TENM3: variants seen among roughly 807,000 people sequenced by gnomAD.
The protein encoded by TENM3 is teneurin transmembrane protein 3.
A neutral mutation model predicts 255.1 loss-of-function variants in TENM3; 63 were observed. The ratio of observed to expected loss-of-function variants is 0.25; its 90% CI spans 0.20 to 0.30. The LOEUF is 0.30. Ranked by LOEUF, TENM3 falls within the 10% of genes least tolerant of loss-of-function variation. The pLI is 1.00. For synonymous variants in TENM3, 1,306 were observed against 1,322.3 expected (o/e 0.99, Z 0.27); for missense variants, 2,929 against 3,461.1 (o/e 0.85, Z 3.86).
chr4:181,767,239 G>A, the TENM3 span, among the ~76,000 whole-genome samples: 29 of 123,298 alleles, frequency 2.4e-4, no homozygotes, highest in East Asian at 5.6e-3. Flanking sequence ...GCGAGAGTGC[G>A]AGACTCCGTC....
chr4:182,567,758 T>TA lies in TENM3; in HGVS notation c.512-33162dup, dbSNP rs1743937869. Among the ~76,000 whole-genome samples the TA allele has an allele frequency of 1.3e-5, 2 of 148,960 alleles. 1 individual carries two copies. Among genetic ancestry groups the TA allele is most frequent in the South Asian group, 4.3e-4 (2 of 4,680 alleles). The stretch of plus-strand genomic sequence containing the variant: ...CACCCTACTCTATTTTTTTTTTATA[T>TA]AAAACAGTTACTGTGTATCAAGTTA... On this transcript the variant is annotated intron_variant, in intron 3 of 27. Coordinates refer to ENST00000511685, the MANE Select transcript of TENM3 (RefSeq NM_001080477.4).
chr4:182,102,876 G>A, the TENM3 span, among the ~76,000 whole-genome samples: 1 of 152,116 alleles, frequency 6.6e-6, no homozygotes, highest in African/African-American at 2.4e-5. Flanking sequence ...ACTGTACTTA[G>A]GAGTGCATCT....
At chr4:182,605,456 TTCTTA>T (rs1310442787) in intron 4 of TENM3, among the ~76,000 whole-genome samples, 1 of 147,938 alleles carries the variant, frequency 6.8e-6, no homozygotes, top group African/African-American at 2.5e-5. Context: ...TGGTAGGAAA[TTCTTA>T]AAGTTTCACC....
chr4:181,515,762 A>T, the TENM3 span, among the ~76,000 whole-genome samples: 1 of 152,120 alleles, frequency 6.6e-6, no homozygotes, highest in Non-Finnish European at 1.5e-5. Flanking sequence ...TTATTCCATG[A>T]TGAGACATTG....
At chr4:182,570,677 A>G (rs887837775) in intron 3 of TENM3, among the ~76,000 whole-genome samples, 4 of 152,144 alleles carry the variant, frequency 2.6e-5, no homozygotes, top group Non-Finnish European at 5.9e-5. Flanking sequence ...TACTAAAAAT[A>G]CAAAAAATTA....
At chr4:181,588,582 C>T in the TENM3 span, among the ~76,000 whole-genome samples, 1 of 152,128 alleles carries the variant, frequency 6.6e-6, no homozygotes, top group Non-Finnish European at 1.5e-5. Flanking sequence ...AGCCCTAGAG[C>T]CTTAACCAAA....
At chr4:182,380,913 A>T (rs974057696) in intron 3 of TENM3, among the ~76,000 whole-genome samples, 3 of 152,186 alleles carry the variant, frequency 2.0e-5, no homozygotes, top group African/African-American at 7.2e-5. Flanking sequence ...TCCTGACCTC[A>T]TATGAAACCT....
At chr4:182,041,380 T>C in the TENM3 span, among the ~76,000 whole-genome samples, 1 of 152,142 alleles carries the variant, frequency 6.6e-6, no homozygotes, top group East Asian at 1.9e-4. Context: ...TTTGTAATGA[T>C]AAATAGCCAT....
chr4:182,449,030 T>C, intron 3 of TENM3: 1 of 386,704 alleles, frequency 2.6e-6, no homozygotes, highest in Non-Finnish European at 5.2e-6. Flanking sequence ...CCAGGCAACT[T>C]GGCAGCGCTG....
intron 5 of TENM3, among the ~76,000 whole-genome samples, chr4:182,647,006 C>A (rs1432014033): frequency 6.6e-6 from 1 of 151,972 alleles, no homozygotes; most frequent in Non-Finnish European, 1.5e-5. Context: ...ACATTTATAC[C>A]CCAAACATTG....
At chr4:181,572,283 A>G in the TENM3 span, among the ~76,000 whole-genome samples, 2 of 152,196 alleles carry the variant, frequency 1.3e-5, no homozygotes, top group Non-Finnish European at 2.9e-5. Context: ...AGTCCTTCCT[A>G]CAGGGGCTCA....
At chr4:182,005,071 A>G in the TENM3 span, among the ~76,000 whole-genome samples, 1 of 152,176 alleles carries the variant, frequency 6.6e-6, no homozygotes, top group Non-Finnish European at 1.5e-5. Flanking sequence ...TCTTTAGTTT[A>G]ATTAAATCCC....
chr4:181,736,809 C>T, the TENM3 span, among the ~76,000 whole-genome samples: 110 of 152,100 alleles, frequency 7.2e-4, no homozygotes, highest in African/African-American at 2.4e-3. Context: ...ATAAAACAGC[C>T]CCTGCCATGT....
intron 3 of TENM3, among the ~76,000 whole-genome samples, chr4:182,461,265 G>C (rs911363040): frequency 6.6e-6 from 1 of 152,188 alleles, no homozygotes; most frequent in African/African-American, 2.4e-5. Flanking sequence ...GAAGATGCTT[G>C]AGTCTGATTG....
chr4:181,767,027 CG>C, the TENM3 span, among the ~76,000 whole-genome samples: 1 of 146,866 alleles, frequency 6.8e-6, no homozygotes, highest in Non-Finnish European at 1.5e-5. Context: ...CCGAGGCGGG[CG>C]GATCACGAGG....
the TENM3 span, among the ~76,000 whole-genome samples, chr4:181,814,909 TAAGA>T: frequency 2.0e-5 from 3 of 151,500 alleles, no homozygotes; most frequent in African/African-American, 7.3e-5. Context: ...AATACGAACC[TAAGA>T]GAGACTGGAT....
chr4:182,182,824 A>G (rs1752927814), intron 1 of TENM3, among the ~76,000 whole-genome samples: 1 of 152,232 alleles, frequency 6.6e-6, no homozygotes, highest in African/African-American at 2.4e-5. Flanking sequence ...ATTGTTAGTT[A>G]TTTTAAATAT....
the TENM3 span, among the ~76,000 whole-genome samples, chr4:181,617,447 A>G: frequency 6.6e-6 from 1 of 152,170 alleles, no homozygotes; most frequent in Non-Finnish European, 1.5e-5. Context: ...CAGAGACTAG[A>G]CTGTTGAGAC....
intron 3 of TENM3, among the ~76,000 whole-genome samples, chr4:182,583,998 T>C (rs1182760315): frequency 6.6e-6 from 1 of 152,228 alleles, no homozygotes; most frequent in African/African-American, 2.4e-5. Flanking sequence ...TCCAAATAGA[T>C]GATTTTTTAT....
Sources: gnomAD v4.1 joint callset for allele counts (sites outside exome capture counted in the v4.1 genomes callset) on GRCh38, gnomAD v4.1.1 for gene constraint, MANE v1.5 for transcripts, NCBI Gene and HGNC (gene_info 2026-07-23, HGNC 2026-07-21) for gene names.